DYM: variants seen among roughly 807,000 people sequenced by gnomAD.
DYM encodes the protein dyggve-Melchior-Clausen syndrome protein.
A neutral mutation model predicts 93.1 loss-of-function variants in DYM; 78 were observed. The ratio of observed to expected loss-of-function variants is 0.84; its 90% confidence interval spans 0.70 to 1.01. DYM has a LOEUF of 1.01. DYM is among the 50% of genes least tolerant of loss of function. The pLI is 0.00. For synonymous variants in DYM, 321 were observed against 319.7 expected, an observed-to-expected ratio of 1.00 and a Z score of -0.04; for missense variants, 789 against 845.0, an observed-to-expected ratio of 0.93 and a Z score of 0.82.
intron 16 of DYM, 31 bp from the exon 17 acceptor site, chr18:49,097,546 G>A (rs1429805429): frequency 6.3e-7 from 1 of 1,578,004 alleles, no homozygotes; most frequent in Admixed American, 1.7e-5. Flanking sequence ...TTTTAAACAA[G>A]AAGAGGTATG....
At chr18:49,056,980 C>A (rs562014058) in intron 17 of DYM, among the ~76,000 whole-genome samples, 1 of 152,340 alleles carries the variant, frequency 6.6e-6, no homozygotes, top group South Asian at 2.1e-4. Context: ...CAGGTATGAG[C>A]CATGGCCTGG....
At chr18:49,354,769 A>C (rs1599634216) in intron 6 of DYM, among the ~76,000 whole-genome samples, 1 of 152,218 alleles carries the variant, frequency 6.6e-6, no homozygotes, top group African/African-American at 2.4e-5. Context: ...TAAAACACTA[A>C]CACCACCAAA....
intron 8 of DYM, among the ~76,000 whole-genome samples, chr18:49,292,329 CAGG>C (rs2060172366): frequency 1.2e-5 from 1 of 86,020 alleles, no homozygotes; most frequent in East Asian, 2.6e-4. Flanking sequence ...GGCAGGCAGG[CAGG>C]CAGGCAGACA....
At chr18:49,425,469 A>G (rs1046619217) in intron 2 of DYM, among the ~76,000 whole-genome samples, 5 of 152,178 alleles carry the variant, frequency 3.3e-5, no homozygotes, top group Admixed American at 2.6e-4. Flanking sequence ...AATACCATTC[A>G]GGACATAGGC....
At chr18:49,073,975 C>T (rs908249643) in intron 17 of DYM, among the ~76,000 whole-genome samples, 18 of 152,148 alleles carry the variant, frequency 1.2e-4, no homozygotes, top group African/African-American at 3.4e-4. Flanking sequence ...GGTATCAAAA[C>T]GTTAAGATGG....
intron 1 of DYM, among the ~76,000 whole-genome samples, chr18:49,443,749 A>C (rs1201130798): frequency 6.6e-6 from 1 of 152,208 alleles, no homozygotes; most frequent in East Asian, 1.9e-4. Context: ...CAAAAATTAA[A>C]AATGGAAATA....
intron 14 of DYM, among the ~76,000 whole-genome samples, chr18:49,187,044 C>T (rs528595808): frequency 2.9e-3 from 442 of 151,724 alleles, no homozygotes; most frequent in African/African-American, 0.01. Flanking sequence ...CTCAGCCGTC[C>T]GAGTAGCTGG....
chr18:49,391,450 A>G, intron 3 of DYM, 143 bp downstream of exon 3: 1 of 816,930 alleles, frequency 1.2e-6, no homozygotes, highest in Admixed American at 2.0e-5. Context: ...TTCTAGCAGC[A>G]TCTGTGAATG....
At chr18:49,177,621 G>A (rs1400035747) in intron 14 of DYM, among the ~76,000 whole-genome samples, 5 of 151,978 alleles carry the variant, frequency 3.3e-5, no homozygotes, top group African/African-American at 7.2e-5. Flanking sequence ...AAAATCTTAT[G>A]TCTGTAAAAA....
intron 5 of DYM, among the ~76,000 whole-genome samples, chr18:49,371,269 G>A (rs552321813): frequency 1.3e-5 from 2 of 152,330 alleles, no homozygotes; most frequent in African/African-American, 4.8e-5. Context: ...GAAGGCCAAG[G>A]CAGGAGGATT....
chr18:49,311,588 GA>G (rs1186851377), intron 8 of DYM, among the ~76,000 whole-genome samples: 1 of 152,088 alleles, frequency 6.6e-6, no homozygotes, highest in Non-Finnish European at 1.5e-5. Flanking sequence ...GGACATCGAT[GA>G]AGCTGGAAAC....
intron 1 of DYM, among the ~76,000 whole-genome samples, chr18:49,458,100 G>T (rs757882583): frequency 6.6e-6 from 1 of 152,178 alleles, no homozygotes; most frequent in African/African-American, 2.4e-5. Context: ...GTGGTAACAT[G>T]TTACAGCAAT....
chr18:49,109,461 ATAT>A (rs1402762576), intron 16 of DYM, among the ~76,000 whole-genome samples: 2 of 152,206 alleles, frequency 1.3e-5, no homozygotes, highest in Non-Finnish European at 2.9e-5. Context: ...TCTTCAAATA[ATAT>A]TATACTACTT....
rs1264169734 is a variant in DYM, at chr18:49,391,608, C to G, written c.178G>C (p.Val60Leu). 6.2e-7 allele frequency: 1 copy of G among 1,613,556 alleles called. No homozygotes were observed. The highest frequency in any genetic ancestry group is 1.1e-5 in the South Asian group (1 of 91,072). Residue 60 changes from valine to leucine, a missense_variant, in exon 3 of 18, where the codon GTC (valine) becomes CTC (leucine). By Grantham distance (32) the Val-to-Leu change is conservative. Around this residue, in one of 3 missense-constraint regions of DYM, gnomAD observed 450 missense variants for 436.2 expected, o/e 1.03. Coordinates refer to ENST00000675505, the MANE Select transcript of DYM (RefSeq NM_001353214.3). ...TCCCACTTACCTAATGACCTGCAGA[C>G]TGAAATGGTTGCTTCCTCCAAGAGT... ...LKLLEEATIS[V>L]CRSLVENNPR...
At chr18:49,097,874 G>GCTCTCGCTCT (rs1750037279) in intron 16 of DYM, among the ~76,000 whole-genome samples, 2 of 141,180 alleles carry the variant, frequency 1.4e-5, no homozygotes, top group South Asian at 2.4e-4. Context: ...CTTAATATTA[G>GCTCTCGCTCT]CTCTCTCTCT....
chr18:49,102,272 G>A (rs1442669199), intron 16 of DYM, among the ~76,000 whole-genome samples: 1 of 152,024 alleles, frequency 6.6e-6, no homozygotes, highest in Admixed American at 6.5e-5. Context: ...TTTCTCTCTG[G>A]GCTTTTGCTG....
At chr18:49,313,462 C>CAAAAA (rs60775305) in intron 8 of DYM, among the ~76,000 whole-genome samples, 352 of 28,558 alleles carry the variant, frequency 0.012, 94 homozygotes, top group Non-Finnish European at 0.017. Flanking sequence ...GACTCTGTCA[C>CAAAAA]AAAAAAAAAA....
intron 1 of DYM, among the ~76,000 whole-genome samples, chr18:49,441,277 TATATAATTATATATA>T (rs1239831444): frequency 7.9e-5 from 2 of 25,448 alleles, no homozygotes; most frequent in Non-Finnish European, 1.2e-4. Flanking sequence ...TAATATATAT[TATATAATTATATATA>T]ATATAATTAT....
At chr18:49,169,870 G>T (rs2088430800) in intron 14 of DYM, among the ~76,000 whole-genome samples, 1 of 152,172 alleles carries the variant, frequency 6.6e-6, no homozygotes, top group African/African-American at 2.4e-5. Flanking sequence ...AGAACCTTTA[G>T]GAAACGTCCA....
Sources: allele counts gnomAD v4.1 joint callset (sites outside exome capture counted in the v4.1 genomes callset), GRCh38; gene constraint gnomAD v4.1.1; regional missense constraint gnomAD v4.1.1; transcripts MANE v1.5; gene names NCBI Gene and HGNC (gene_info 2026-07-23, HGNC 2026-07-21).